Variants in SCMH1 observed in about 807,000 individuals in gnomAD.
SCMH1 encodes Scm polycomb group protein homolog 1.
Under a neutral mutation model 70.8 loss-of-function variants are expected in SCMH1, and 37 were observed. That is an observed-to-expected ratio of 0.52 (90% CI 0.40 to 0.69). The LOEUF is 0.69. Ranked by LOEUF, SCMH1 falls within the 30% of genes least tolerant of loss-of-function variation. SCMH1 has a pLI of 0.00. For missense variants in SCMH1, 607 were observed against 827.3 expected (o/e 0.73, Z 3.27); for synonymous variants, 292 against 307.4 (o/e 0.95, Z 0.52).
intron 1 of SCMH1, among the ~76,000 whole-genome samples, chr1:41,231,215 T>A (rs1376350328): frequency 6.6e-6 from 1 of 152,186 alleles, no homozygotes; most frequent in African/African-American, 2.4e-5. Flanking sequence ...GCAGAAAAAG[T>A]TCATATGACA....
intron 2 of SCMH1, among the ~76,000 whole-genome samples, chr1:41,175,274 A>G (rs922101044): frequency 6.6e-6 from 1 of 152,190 alleles, no homozygotes; most frequent in African/African-American, 2.4e-5. Flanking sequence ...TTGAGCTAGG[A>G]CATCCATCTT....
At chr1:41,116,549 G>A (rs1339612092) in intron 7 of SCMH1, among the ~76,000 whole-genome samples, 1 of 152,044 alleles carries the variant, frequency 6.6e-6, no homozygotes, top group Non-Finnish European at 1.5e-5. Flanking sequence ...CATATCGTAG[G>A]CAATAAAAAA....
chr1:41,057,518 G>A (rs1650836046), intron 10 of SCMH1, among the ~76,000 whole-genome samples: 1 of 151,942 alleles, frequency 6.6e-6, no homozygotes, highest in African/African-American at 2.4e-5. Flanking sequence ...CCAAAGTACT[G>A]GGATCACAGG....
At chr1:41,143,640 AT>A (rs1251605743) in intron 5 of SCMH1, among the ~76,000 whole-genome samples, 1 of 152,250 alleles carries the variant, frequency 6.6e-6, no homozygotes, top group Non-Finnish European at 1.5e-5. Flanking sequence ...ATATACTCAT[AT>A]TACTATATAC....
At chr1:41,030,935 C>T (rs752962483) in intron 13 of SCMH1, among the ~76,000 whole-genome samples, 2 of 152,216 alleles carry the variant, frequency 1.3e-5, no homozygotes, top group Admixed American at 6.5e-5. Flanking sequence ...GCCTTGCTCA[C>T]GTCTGTATCT....
chr1:41,185,593 T>A (rs1649964595), intron 2 of SCMH1, among the ~76,000 whole-genome samples: 1 of 152,138 alleles, frequency 6.6e-6, no homozygotes, highest in Admixed American at 6.5e-5. Context: ...AATAATAGTT[T>A]CCTTTCTCAA....
At chr1:41,035,356 A>G (rs1310874810) in intron 13 of SCMH1, among the ~76,000 whole-genome samples, 1 of 152,164 alleles carries the variant, frequency 6.6e-6, no homozygotes, top group Non-Finnish European at 1.5e-5. Context: ...TTCTCATCCC[A>G]TACCTACTAG....
intron 8 of SCMH1, among the ~76,000 whole-genome samples, chr1:41,084,215 G>A (rs1323172472): frequency 3.3e-5 from 5 of 152,104 alleles, no homozygotes; most frequent in African/African-American, 7.2e-5. Context: ...GAAAATTTTC[G>A]CAACCTATTC....
exon 7 of SCMH1, chr1:41,116,982 G>A (rs1310200070): frequency 1.2e-6 from 2 of 1,605,914 alleles, no homozygotes; most frequent in Non-Finnish European, 1.7e-6. Context: ...AAAGGAACAT[G>A]GGCCAAGAAG....
At chr1:41,044,392 A>G (rs1558398885) in intron 12 of SCMH1, among the ~76,000 whole-genome samples, 1 of 152,164 alleles carries the variant, frequency 6.6e-6, no homozygotes, top group Non-Finnish European at 1.5e-5. Flanking sequence ...AGAAAAACAC[A>G]GGAAATGATA....
chr1:41,144,451 T>C (rs544212468), intron 5 of SCMH1, among the ~76,000 whole-genome samples: 4 of 152,324 alleles, frequency 2.6e-5, no homozygotes, highest in African/African-American at 4.8e-5. Flanking sequence ...TTCCTTTTCA[T>C]TGATGAACAA....
chr1:41,233,864 C>CT (rs1277135020), intron 1 of SCMH1, among the ~76,000 whole-genome samples: 2 of 152,226 alleles, frequency 1.3e-5, no homozygotes, highest in Non-Finnish European at 2.9e-5. Context: ...AGAGCACAGA[C>CT]TGTAGATCCA....
chr1:41,156,746 A>T (rs905121722), intron 4 of SCMH1, among the ~76,000 whole-genome samples: 2 of 151,482 alleles, frequency 1.3e-5, no homozygotes, highest in East Asian at 3.9e-4. Flanking sequence ...GATTTGTCCT[A>T]AGGGTGGGAT....
At chr1:41,242,141 G>C (rs1271354667), upstream of SCMH1, 1 of 148,776 alleles carries the variant, frequency 6.7e-6, no homozygotes, top group African/African-American at 2.5e-5. The surrounding 1 kb of genome is among the most constrained non-coding windows in gnomAD (Gnocchi z 5.2). Context: ...GCGGAGACGC[G>C]GGAAGGGGGC....
In SCMH1 at chr1:41,234,980, A is replaced by G. The variant is rs192000385; in HGVS notation, c.-118+7079T>C. Among the ~76,000 whole-genome samples the G allele has an allele frequency of 2.8e-3, 428 of 152,118 alleles. 4 individuals carry two copies. Among genetic ancestry groups the G allele is most frequent in the African/African-American group, 9.8e-3 (405 of 41,524 alleles). ...TTTTTGCAGATACAGGGTTTCACCA[A>G]GTTGCCCAGGCTGGTCTCAAACTCC... On this transcript the variant is annotated intron_variant, in intron 1 of 14. Transcript: ENST00000337495.
intron 2 of SCMH1, among the ~76,000 whole-genome samples, chr1:41,165,158 A>G (rs751130977): frequency 2.0e-5 from 3 of 152,136 alleles, no homozygotes; most frequent in Non-Finnish European, 2.9e-5. Flanking sequence ...TCGTTCTGTA[A>G]CTGACTTCAA....
chr1:41,081,051 T>C (rs909504413), intron 8 of SCMH1, among the ~76,000 whole-genome samples: 17 of 152,152 alleles, frequency 1.1e-4, no homozygotes, highest in Non-Finnish European at 1.0e-4. Flanking sequence ...AAAATGAATT[T>C]GGAAAGGTCA....
intron 1 of SCMH1, among the ~76,000 whole-genome samples, chr1:41,199,123 G>A (rs2148710758): frequency 6.6e-6 from 1 of 152,292 alleles, no homozygotes; most frequent in Non-Finnish European, 1.5e-5. Context: ...CATAGCAGAA[G>A]AGCATAAACT....
At chr1:41,195,131 C>CAAAAA (rs35569635) in intron 1 of SCMH1, among the ~76,000 whole-genome samples, 1 of 26,244 alleles carries the variant, frequency 3.8e-5, no homozygotes, top group Non-Finnish European at 6.4e-5. Flanking sequence ...AACTCTCTCT[C>CAAAAA]AAAAAAAAAA....
Sources: gnomAD v4.1 joint callset for allele counts (sites outside exome capture counted in the v4.1 genomes callset) on GRCh38, gnomAD v4.1.1 for gene constraint, Gnocchi (gnomAD v3.1) non-coding constraint, MANE v1.5 for transcripts, NCBI Gene and HGNC (gene_info 2026-07-23, HGNC 2026-07-21) for gene names.